The following TMEM130 variants were observed in gnomAD, a reference collection of about 807,000 sequenced individuals.
The protein encoded by TMEM130 is transmembrane protein 130.
Under a neutral mutation model 42.9 loss-of-function variants are expected in TMEM130, and 37 were observed. That is an observed-to-expected ratio of 0.86 (90% CI 0.66 to 1.13). TMEM130 has a LOEUF of 1.13. Among genes scored for constraint, TMEM130 ranks in the 50% most tolerant of loss-of-function variants. TMEM130 has a pLI of 0.00. For missense variants in TMEM130, 545 were observed against 562.6 expected, an observed-to-expected ratio of 0.97 and a Z score of 0.32; for synonymous variants, 259 against 237.7, an observed-to-expected ratio of 1.09 and a Z score of -0.82.
chr7:98,867,411 T>C (rs1275287357), intron 1 of TMEM130, among the ~76,000 whole-genome samples: 1 of 152,038 alleles, frequency 6.6e-6, no homozygotes, highest in Non-Finnish European at 1.5e-5. Context: ...GAGAGGTGCA[T>C]GGATGAGAGA....
chr7:98,868,897 G>A (rs1217403591), intron 1 of TMEM130, among the ~76,000 whole-genome samples: 1 of 152,038 alleles, frequency 6.6e-6, no homozygotes, highest in Non-Finnish European at 1.5e-5. Context: ...CATAAAATTC[G>A]TCTAATTCAT....
chr7:98,851,406 C>T lies in TMEM130; in HGVS notation c.1006+15G>A, dbSNP rs113132436. ...GCCCATGTGGCACTGGAGCAGAAGG[C>T]GAGGTGTCACTTACTGGAGGGCCAC... On this transcript the variant is annotated intron_variant, in intron 6 of 7. Coordinates refer to ENST00000339375, the MANE Select transcript of TMEM130 (RefSeq NM_152913.3). 69 of 1,613,390 alleles carry T rather than the reference C, an allele frequency of 4.3e-5. No individual in the cohort carries two copies. The African/African-American group carries it at 4.9e-4, about 12-fold the overall frequency.
At position 98,851,731 on chromosome 7, in the gene TMEM130, G is replaced by T. The variant is rs1794512038; in HGVS notation, c.804-108C>A. On this transcript the variant is annotated intron_variant, in intron 5 of 7. Coordinates refer to ENST00000339375, the MANE Select transcript of TMEM130 (RefSeq NM_152913.3). ...GCAGGAACTTCAGTGTCCTTTCCAG[G>T]ACAGGACATCAAGCCGTCCTGGACT... 6 of 1,023,582 alleles carry T rather than the reference G, an allele frequency of 5.9e-6. No homozygotes were observed. In the Admixed American group the frequency reaches 8.0e-5, roughly 14 times the overall value. 63.4% of individuals were successfully genotyped at this position (1,023,582 alleles called of 1,614,324 possible).
Position 98,850,250 on chromosome 7 carries a change from CATATAT to C in TMEM130, c.1006+1165_1006+1170del, listed in dbSNP as rs1179088568. Among the ~76,000 whole-genome samples the C allele has an allele frequency of 5.7e-4, 37 of 64,354 alleles. 1 individual carries two copies. The highest frequency in any genetic ancestry group is 1.1e-3 in the African/African-American group (25 of 22,592). 42.2% of individuals were successfully genotyped at this position (64,354 alleles called of 152,430 possible). On this transcript the variant is annotated intron_variant, in intron 6 of 7. Transcript: ENST00000339375. ...TCCCTCTCTCTCTCTCTGTCTCTCT[CATATAT>C]ATATATATATATATATATTTTTTTT...
chr7:98,860,333 G>A lies in TMEM130; in HGVS notation c.397C>T (p.Leu133Phe). The A allele has an allele frequency of 5.0e-6, 8 of 1,591,000 alleles. No individual in the cohort carries two copies. Among genetic ancestry groups the A allele is most frequent in the Non-Finnish European group, 6.0e-6 (7 of 1,166,438 alleles). Residue 133 changes from leucine (L) to phenylalanine (F), a missense_variant, in exon 3 of 8, where the codon CTC (leucine) becomes TTC (phenylalanine). Coordinates refer to ENST00000339375, the MANE Select transcript of TMEM130 (RefSeq NM_152913.3). Reference sequence around the variant, plus strand: ...TGGGTGACAACAAGGTCCCCCACGAGGAACTCTGGGAGAGAGAGAGACACG... The same window carrying A: ...TGGGTGACAACAAGGTCCCCCACGAAGAACTCTGGGAGAGAGAGAGACACG... ...GFVVLPITEF[L>F]VGDLVVTQNT... is the part of the protein sequence containing the mutation.
chr7:98,864,182 G>A (rs373097212), intron 1 of TMEM130, among the ~76,000 whole-genome samples: 60 of 152,178 alleles, frequency 3.9e-4, no homozygotes, highest in African/African-American at 1.4e-3. Flanking sequence ...GCCACACAGA[G>A]AACATTTCTA....
rs1418331102 is a variant in TMEM130, at chr7:98,863,300, G to T, written c.186C>A (p.Ala62=). Residue 62 remains alanine (A), a synonymous_variant, in exon 2 of 8, where the codon GCC becomes GCA. Transcript: ENST00000339375. ...GGTAGAGGTGGGCGTCAGCGGGCAG[G>T]GCCAGGCTGCCGTTGTCCTTGGCCA... ...SLVAKDNGSL[A]LPADAHLYRF... is the part of the protein sequence containing the mutation. The T allele has an allele frequency of 6.2e-7, 1 of 1,613,306 alleles. No homozygotes were observed. The highest frequency in any genetic ancestry group is 8.5e-7 in the Non-Finnish European group (1 of 1,179,962).
At chr7:98,858,339 A>C (rs1305447921) in intron 3 of TMEM130, among the ~76,000 whole-genome samples, 3 of 148,816 alleles carry the variant, frequency 2.0e-5, no homozygotes, top group Non-Finnish European at 4.5e-5. Context: ...CCAGGAGCTC[A>C]AGACCAGCCT....
intron 3 of TMEM130, among the ~76,000 whole-genome samples, chr7:98,856,392 G>C (rs1794635586): frequency 2.0e-5 from 3 of 152,208 alleles, no homozygotes; most frequent in Non-Finnish European, 4.4e-5. Flanking sequence ...GCAAACCGAG[G>C]CCAGAGAAGG....
intron 3 of TMEM130, among the ~76,000 whole-genome samples, chr7:98,859,322 G>A (rs530615821): frequency 4.6e-5 from 7 of 152,188 alleles, no homozygotes; most frequent in South Asian, 2.1e-4. Flanking sequence ...AAAGAGAAAC[G>A]AAGCCAGAGC....
In TMEM130 at chr7:98,869,730, C is replaced by A; in HGVS notation, c.85+47G>T. 1 of 1,311,652 alleles carries A rather than the reference C, an allele frequency of 7.6e-7. No individual in the cohort carries two copies. The highest frequency in any genetic ancestry group is 9.8e-7 in the Non-Finnish European group (1 of 1,019,760). 81.3% of individuals were successfully genotyped at this position (1,311,652 alleles called of 1,614,324 possible). ...TCGCCCGCTGAGACGGTTCCAGGCCCCGGGCGGGCTGCGGCTGCAGGGAGG... is the reference window on the plus strand; with the variant it reads ...TCGCCCGCTGAGACGGTTCCAGGCCACGGGCGGGCTGCGGCTGCAGGGAGG... On this transcript the variant is annotated intron_variant, in intron 1 of 7. Transcript: ENST00000339375. This position sits in a 1 kb window ranked among gnomAD's most constrained non-coding sequence, Gnocchi z 4.7.
At chr7:98,863,623 TTCCC>T (rs369674726) in intron 1 of TMEM130, among the ~76,000 whole-genome samples, 1,644 of 150,132 alleles carry the variant, frequency 0.011, 19 homozygotes, top group African/African-American at 0.028. Context: ...CCTTCCTTCC[TTCCC>T]TCCCTCCCTC....
chr7:98,858,304 G>T (rs1356708386), intron 3 of TMEM130, among the ~76,000 whole-genome samples: 1 of 152,186 alleles, frequency 6.6e-6, no homozygotes, highest in African/African-American at 2.4e-5. Context: ...GCTTTGGGAG[G>T]CTGAGGCGGG....
intron 6 of TMEM130, among the ~76,000 whole-genome samples, chr7:98,849,805 C>T (rs1360537703): frequency 1.3e-5 from 2 of 151,990 alleles, no homozygotes; most frequent in Non-Finnish European, 2.9e-5. Flanking sequence ...CCTTAGTTTC[C>T]CCTTTTGTAG....
At chr7:98,850,746 C>T (rs1032166428) in intron 6 of TMEM130, among the ~76,000 whole-genome samples, 3 of 152,118 alleles carry the variant, frequency 2.0e-5, no homozygotes, top group African/African-American at 7.2e-5. Context: ...CCCTGCAAGA[C>T]TCACTACAAC....
Sources: gnomAD v4.1 joint callset for allele counts (sites outside exome capture counted in the v4.1 genomes callset) on GRCh38, gnomAD v4.1.1 for gene constraint, Gnocchi (gnomAD v3.1) non-coding constraint, MANE v1.5 for transcripts, NCBI Gene and HGNC (gene_info 2026-07-23, HGNC 2026-07-21) for gene names.